SKIC3: variants seen among roughly 807,000 people sequenced by gnomAD.
SKIC3 encodes the protein SKI3 subunit of superkiller complex.
chr5:95,520,700 T>G, the SKIC3 span: 1 of 1,576,416 alleles, frequency 6.3e-7, no homozygotes, highest in Non-Finnish European at 8.6e-7. Flanking sequence ...CAATAAATAA[T>G]AAGAATAATA....
the SKIC3 span, chr5:95,506,878 T>A: frequency 1.8e-5 from 28 of 1,566,686 alleles, no homozygotes; most frequent in Non-Finnish European, 2.3e-5. Flanking sequence ...GTCCCATAGC[T>A]TTCACCAGAA....
the SKIC3 span, chr5:95,503,008 T>C: frequency 1.2e-6 from 2 of 1,613,946 alleles, no homozygotes; most frequent in Admixed American, 3.3e-5. Context: ...CATAGGCTGT[T>C]ACATAGAAGT....
the SKIC3 span, chr5:95,464,669 T>C: frequency 6.2e-7 from 1 of 1,613,344 alleles, no homozygotes; most frequent in Non-Finnish European, 8.5e-7. Context: ...GTTTTGGCAT[T>C]GTTTACCAGC....
the SKIC3 span, chr5:95,537,119 G>A: frequency 6.2e-7 from 1 of 1,613,484 alleles, no homozygotes; most frequent in Non-Finnish European, 8.5e-7. Flanking sequence ...TAATCCCAGT[G>A]CATTCTCAAA....
the SKIC3 span, among the ~76,000 whole-genome samples, chr5:95,486,558 G>A: frequency 6.6e-6 from 1 of 152,162 alleles, no homozygotes; most frequent in South Asian, 2.1e-4. Context: ...GCCAGGGCCC[G>A]CATGCACCAC....
At chr5:95,490,527 T>C in the SKIC3 span, among the ~76,000 whole-genome samples, 1 of 149,180 alleles carries the variant, frequency 6.7e-6, no homozygotes, top group African/African-American at 2.5e-5. Context: ...AGACGGAGTC[T>C]CGCTCTGTCA....
At chr5:95,488,100 T>A in the SKIC3 span, among the ~76,000 whole-genome samples, 3 of 151,996 alleles carry the variant, frequency 2.0e-5, no homozygotes, top group Admixed American at 6.5e-5. Context: ...GCCTCAGAAC[T>A]TGAAGACAGA....
At chr5:95,491,153 TTTCAC>T in the SKIC3 span, 5 of 1,415,908 alleles carry the variant, frequency 3.5e-6, no homozygotes, top group South Asian at 6.6e-5. Flanking sequence ...TAAAAAAAAA[TTTCAC>T]TTTCTCAAAG....
chr5:95,553,052 A>T, the SKIC3 span, among the ~76,000 whole-genome samples: 279 of 152,298 alleles, frequency 1.8e-3, no homozygotes, highest in African/African-American at 6.5e-3. Flanking sequence ...GTTTCCCATC[A>T]CTGGAGATGA....
At chr5:95,552,567 T>C in the SKIC3 span, among the ~76,000 whole-genome samples, 1 of 152,202 alleles carries the variant, frequency 6.6e-6, no homozygotes, top group South Asian at 2.1e-4. Flanking sequence ...AGATGTTTAT[T>C]GAGCCACACT....
At chr5:95,535,307 ATTTT>A in the SKIC3 span, among the ~76,000 whole-genome samples, 1 of 91,808 alleles carries the variant, frequency 1.1e-5, no homozygotes, top group Admixed American at 1.3e-4. Flanking sequence ...GGTAACAGCA[ATTTT>A]TTTTTTTTTT....
chr5:95,541,667 A>G, the SKIC3 span: 27 of 677,920 alleles, frequency 4.0e-5, 2 homozygotes, highest in East Asian at 3.6e-4. Context: ...TTCTATTTTA[A>G]TCACAAAAGA....
At chr5:95,541,291 A>T in the SKIC3 span, 4 of 1,613,012 alleles carry the variant, frequency 2.5e-6, no homozygotes, top group Non-Finnish European at 3.4e-6. Flanking sequence ...GAAGTCAGAA[A>T]ATCATTCACC....
the SKIC3 span, among the ~76,000 whole-genome samples, chr5:95,482,178 T>C: frequency 6.6e-6 from 1 of 152,228 alleles, no homozygotes; most frequent in Non-Finnish European, 1.5e-5. Flanking sequence ...ACCCTTATTA[T>C]AAAATGTCTA....
chr5:95,465,026 T>A, the SKIC3 span, among the ~76,000 whole-genome samples: 1 of 150,232 alleles, frequency 6.7e-6, no homozygotes, highest in African/African-American at 2.5e-5. Context: ...CTCCTGGGTT[T>A]GAGAGATTCT....
the SKIC3 span, chr5:95,478,289 C>A: frequency 6.2e-7 from 1 of 1,613,710 alleles, no homozygotes; most frequent in Non-Finnish European, 8.5e-7. Flanking sequence ...CATGATCTTA[C>A]CATACAGACT....
At chr5:95,540,751 C>G in the SKIC3 span, 3 of 1,614,142 alleles carry the variant, frequency 1.9e-6, no homozygotes, top group Non-Finnish European at 2.5e-6. Flanking sequence ...AGTCAATTTT[C>G]TCCATAGTTG....
the SKIC3 span, among the ~76,000 whole-genome samples, chr5:95,466,204 G>A: frequency 1.7e-4 from 26 of 152,112 alleles, no homozygotes; most frequent in Admixed American, 1.3e-3. Context: ...AATAATTTTG[G>A]ATACATATAT....
chr5:95,529,374 T>G, the SKIC3 span: 16 of 486,012 alleles, frequency 3.3e-5, no homozygotes, highest in Middle Eastern at 1.2e-3. Context: ...AGCTAGAATA[T>G]CTCTAAAAAG....
Sources: gnomAD v4.1 joint callset for allele counts (sites outside exome capture counted in the v4.1 genomes callset) on GRCh38, gnomAD v4.1.1 for gene constraint, MANE v1.5 for transcripts, NCBI Gene and HGNC (gene_info 2026-07-23, HGNC 2026-07-21) for gene names.